EYA4: variants seen among roughly 807,000 people sequenced by gnomAD.
EYA4 encodes protein phosphatase EYA4.
EYA4 carries 31 observed loss-of-function variants against 87.9 expected under a neutral mutation model. The observed-to-expected ratio is 0.35, with a 90% CI of 0.27 to 0.48. The LOEUF (loss-of-function observed/expected upper bound fraction) is 0.48. EYA4 is among the 20% of genes least tolerant of loss of function. The pLI is 0.99. For synonymous variants in EYA4, 263 were observed against 270.6 expected (o/e 0.97, Z 0.28); for missense variants, 678 against 761.4 (o/e 0.89, Z 1.29).
chr6:133,314,023 A>T (rs938406901), intron 2 of EYA4, among the ~76,000 whole-genome samples: 2 of 152,138 alleles, frequency 1.3e-5, no homozygotes, highest in African/African-American at 4.8e-5. Context: ...CTATTTCTAT[A>T]TTTAAAAAAT....
intron 7 of EYA4, 122 bp downstream of exon 7, chr6:133,461,302 A>G (rs1562448059): frequency 1.3e-6 from 1 of 758,070 alleles, no homozygotes; most frequent in Non-Finnish European, 2.4e-6. Context: ...TACAAATTTG[A>G]AATGGAGACA....
intron 11 of EYA4, among the ~76,000 whole-genome samples, chr6:133,478,204 G>A (rs1795907703): frequency 1.3e-5 from 2 of 152,062 alleles, no homozygotes; most frequent in Non-Finnish European, 2.9e-5. Flanking sequence ...TAGCATGGTC[G>A]TTAATACACT....
intron 3 of EYA4, among the ~76,000 whole-genome samples, chr6:133,411,245 T>G (rs1789206089): frequency 6.6e-6 from 1 of 152,100 alleles, no homozygotes; most frequent in African/African-American, 2.4e-5. Context: ...TGGGGGAAGG[T>G]TATGATGAGC....
intron 13 of EYA4, among the ~76,000 whole-genome samples, chr6:133,484,266 A>G (rs1252935740): frequency 6.6e-6 from 1 of 152,218 alleles, no homozygotes; most frequent in African/African-American, 2.4e-5. Flanking sequence ...TATCACGCTT[A>G]CAGAAATGTC....
At chr6:133,495,294 A>G (rs1169271072) in intron 13 of EYA4, among the ~76,000 whole-genome samples, 4 of 151,496 alleles carry the variant, frequency 2.6e-5, no homozygotes, top group South Asian at 4.2e-4. Context: ...AATCTCATGT[A>G]TCCCATGTGT....
chr6:133,391,329 A>G (rs1327452996), intron 3 of EYA4, among the ~76,000 whole-genome samples: 1 of 149,988 alleles, frequency 6.7e-6, no homozygotes, highest in South Asian at 2.1e-4. Context: ...TCCCAGGTTC[A>G]AGCGATTCTC....
At chr6:133,365,264 C>T (rs1225703310) in intron 2 of EYA4, among the ~76,000 whole-genome samples, 1 of 152,164 alleles carries the variant, frequency 6.6e-6, no homozygotes, top group African/African-American at 2.4e-5. Context: ...CGGAGGCTAG[C>T]TACCATGTTA....
intron 1 of EYA4, among the ~76,000 whole-genome samples, chr6:133,266,921 A>G (rs1360932155): frequency 6.6e-6 from 1 of 152,198 alleles, no homozygotes; most frequent in Non-Finnish European, 1.5e-5. Context: ...TGTATGTTAC[A>G]TTCAATCAAT....
At chr6:133,394,604 T>C (rs1352045851) in intron 3 of EYA4, among the ~76,000 whole-genome samples, 1 of 152,058 alleles carries the variant, frequency 6.6e-6, no homozygotes, top group African/African-American at 2.4e-5. Context: ...CTAGGCTTCA[T>C]AGAGGTATCT....
chr6:133,424,579 C>G (rs1282395691), intron 3 of EYA4, among the ~76,000 whole-genome samples: 1 of 152,142 alleles, frequency 6.6e-6, no homozygotes, highest in East Asian at 1.9e-4. Flanking sequence ...CAGAGACGAC[C>G]CAGATCCTGC....
chr6:133,446,701 A>C lies in EYA4; in HGVS notation c.155A>C (p.Lys52Thr), dbSNP rs763983145. 22 of 1,613,942 alleles carry C rather than the reference A, an allele frequency of 1.4e-5. No homozygotes were observed. The highest frequency in any genetic ancestry group is 1.6e-4 in the Middle Eastern group (1 of 6,080). The change falls in exon 4 of 20, where the codon AAA (lysine) becomes ACA (threonine). Residue 52 changes from lysine (K) to threonine (T), a missense_variant. Transcript: ENST00000355286. ...VGGGDTPGSS[K>T]LEKSNLSSTS... ...GGTGGTGATACTCCAGGTAGCTCCAAACTGGAAAAATCTAATCTCAGCAGC... is the reference window on the plus strand; with the variant it reads ...GGTGGTGATACTCCAGGTAGCTCCACACTGGAAAAATCTAATCTCAGCAGC...
At chr6:133,514,916 T>C (rs529100371) in intron 16 of EYA4, among the ~76,000 whole-genome samples, 183 of 152,326 alleles carry the variant, frequency 1.2e-3, no homozygotes, top group African/African-American at 4.2e-3. Flanking sequence ...TTTCAGACAG[T>C]CAAAACATTT....
intron 13 of EYA4, among the ~76,000 whole-genome samples, chr6:133,490,422 G>C (rs148479124): frequency 6.6e-6 from 1 of 150,662 alleles, no homozygotes; most frequent in African/African-American, 2.4e-5. Flanking sequence ...GTGACCCAGC[G>C]ATCTCTTGCC....
At chr6:133,445,264 C>T (rs1792700281) in intron 3 of EYA4, among the ~76,000 whole-genome samples, 2 of 152,130 alleles carry the variant, frequency 1.3e-5, no homozygotes, top group Non-Finnish European at 2.9e-5. Flanking sequence ...ATATAAGTCC[C>T]TGTATACAGT....
intron 1 of EYA4, among the ~76,000 whole-genome samples, chr6:133,272,575 G>C (rs1237107073): frequency 6.6e-6 from 1 of 152,188 alleles, no homozygotes; most frequent in South Asian, 2.1e-4. Context: ...GCCAAGAGCT[G>C]TCTCTCAAAA....
At chr6:133,414,853 ATGTCTGTTACCTGTT>A (rs776703567) in intron 3 of EYA4, among the ~76,000 whole-genome samples, 4 of 152,164 alleles carry the variant, frequency 2.6e-5, no homozygotes, top group Admixed American at 6.5e-5. Flanking sequence ...AAGTTACACC[ATGTCTGTTACCTGTT>A]TGAGGTGGGT....
intron 1 of EYA4, among the ~76,000 whole-genome samples, chr6:133,266,081 G>A (rs149233963): frequency 6.6e-5 from 10 of 152,068 alleles, no homozygotes; most frequent in Non-Finnish European, 1.2e-4. Flanking sequence ...ATTGTGTTCC[G>A]TAAAAGATAC....
chr6:133,523,267 A>G (rs1169828104), intron 18 of EYA4, 90 bp downstream of exon 18: 5 of 1,343,436 alleles, frequency 3.7e-6, no homozygotes, highest in African/African-American at 2.9e-5. Context: ...CACTTAGTAC[A>G]TGAAACAAAT....
intron 6 of EYA4, among the ~76,000 whole-genome samples, chr6:133,459,029 G>A (rs2128649145): frequency 6.6e-6 from 1 of 152,210 alleles, no homozygotes; most frequent in East Asian, 1.9e-4. Flanking sequence ...CTGGAAATGA[G>A]GCTGCCCTTT....
Sources: allele counts gnomAD v4.1 joint callset (sites outside exome capture counted in the v4.1 genomes callset), GRCh38; gene constraint gnomAD v4.1.1; transcripts MANE v1.5; gene names NCBI Gene and HGNC (gene_info 2026-07-23, HGNC 2026-07-21).